TMTC2: variants seen among roughly 807,000 people sequenced by gnomAD.
TMTC2 encodes the protein transmembrane O-mannosyltransferase targeting cadherins 2.
Under a neutral mutation model 82.4 loss-of-function variants are expected in TMTC2, and 43 were observed. That is an observed-to-expected ratio of 0.52 (90% CI 0.41 to 0.67). The LOEUF (loss-of-function observed/expected upper bound fraction) is 0.67, where lower values mean the gene tolerates loss of function less well. Ranked by LOEUF, TMTC2 falls within the 30% of genes least tolerant of loss-of-function variation. The pLI, the probability that TMTC2 is intolerant of heterozygous loss-of-function variation, is 0.00. For missense variants in TMTC2, 919 were observed against 1,012.4 expected (o/e 0.91, Z 1.25); for synonymous variants, 408 against 381.9 (o/e 1.07, Z -0.80).
intron 1 of TMTC2, among the ~76,000 whole-genome samples, chr12:82,766,845 CTA>C (rs374143414): frequency 1.8e-3 from 273 of 152,258 alleles, no homozygotes; most frequent in African/African-American, 6.3e-3. Context: ...AGACAACAGA[CTA>C]TAGTGCGGTG....
At chr12:82,994,548 C>A (rs1009138698) in intron 8 of TMTC2, among the ~76,000 whole-genome samples, 4 of 151,482 alleles carry the variant, frequency 2.6e-5, no homozygotes, top group African/African-American at 9.7e-5. Flanking sequence ...ATCCCTAGTA[C>A]TCTGATATTC....
At chr12:82,866,254 A>AAAC (rs1555192480) in intron 2 of TMTC2, among the ~76,000 whole-genome samples, 1 of 142,654 alleles carries the variant, frequency 7.0e-6, no homozygotes, top group African/African-American at 3.1e-5. Flanking sequence ...CAAAAAAAAA[A>AAAC]AAAAAAAAAC....
intron 1 of TMTC2, among the ~76,000 whole-genome samples, chr12:82,702,294 C>T (rs755065506): frequency 6.6e-6 from 1 of 152,186 alleles, no homozygotes; most frequent in East Asian, 1.9e-4. Context: ...AATGTTTACT[C>T]TGTTCCTACT....
intron 1 of TMTC2, among the ~76,000 whole-genome samples, chr12:82,813,079 C>A (rs1392195347): frequency 6.6e-6 from 1 of 151,900 alleles, no homozygotes; most frequent in Non-Finnish European, 1.5e-5. Context: ...TATTCCCCAA[C>A]CTCACTGTAA....
At chr12:82,892,688 T>G (rs1330944261) in intron 2 of TMTC2, among the ~76,000 whole-genome samples, 2 of 152,234 alleles carry the variant, frequency 1.3e-5, no homozygotes, top group East Asian at 3.9e-4. Flanking sequence ...TTTGTAATGC[T>G]TTCTCTCTTC....
chr12:83,052,580 T>G (rs1453170898), intron 10 of TMTC2, among the ~76,000 whole-genome samples: 1 of 152,152 alleles, frequency 6.6e-6, no homozygotes, highest in Non-Finnish European at 1.5e-5. Context: ...ATAAACAATT[T>G]GCAAGAATGG....
chr12:82,921,506 C>T (rs143980385), intron 3 of TMTC2, among the ~76,000 whole-genome samples: 1 of 152,084 alleles, frequency 6.6e-6, no homozygotes, highest in African/African-American at 2.4e-5. Flanking sequence ...ATCTCCTTCT[C>T]CCCTTCCCAT....
chr12:82,698,199 A>T (rs1038274827), intron 1 of TMTC2, among the ~76,000 whole-genome samples: 1 of 152,206 alleles, frequency 6.6e-6, no homozygotes, highest in Non-Finnish European at 1.5e-5. Context: ...AAAATGAGTT[A>T]TACTTTTTCC....
chr12:82,838,303 GAC>G (rs1357550179), intron 1 of TMTC2, among the ~76,000 whole-genome samples: 1 of 152,160 alleles, frequency 6.6e-6, no homozygotes. Context: ...CCCTCAAAAT[GAC>G]TAATGCACCA....
intron 1 of TMTC2, among the ~76,000 whole-genome samples, chr12:82,719,238 C>T (rs563111327): frequency 1.7e-4 from 26 of 151,370 alleles, no homozygotes; most frequent in Non-Finnish European, 2.8e-4. Flanking sequence ...GGATTGCAGG[C>T]GCACACCACC....
Position 83,050,959 on chromosome 12 carries a change from A to T in TMTC2, c.2208A>T (p.Lys736Asn). The T allele has an allele frequency of 6.2e-7, 1 of 1,613,564 alleles. No homozygotes were observed. The highest frequency in any genetic ancestry group is 8.5e-7 in the Non-Finnish European group (1 of 1,179,654). ...TAGAAGCAGCTGAGATGGCAAAAAA[A>T]GCAGCTGAACTAGACAGCACAGAGT... ...RLIEAAEMAK[K>N]AAELDSTEFD... is the part of the protein sequence containing the mutation. Residue 736 changes from lysine to asparagine, a missense_variant, in exon 10 of 12, where the codon AAA becomes AAT. Coordinates refer to ENST00000321196, the MANE Select transcript of TMTC2 (RefSeq NM_152588.3).
intron 11 of TMTC2, among the ~76,000 whole-genome samples, chr12:83,082,895 G>T (rs1883522225): frequency 6.6e-6 from 1 of 152,162 alleles, no homozygotes; most frequent in Non-Finnish European, 1.5e-5. Flanking sequence ...ACTTCCAGTG[G>T]AATTATGTCA....
chr12:82,888,417 G>A lies in TMTC2; in HGVS notation c.655-7401G>A, dbSNP rs79078392. On this transcript the variant is annotated intron_variant, in intron 2 of 11. Coordinates refer to ENST00000321196, the MANE Select transcript of TMTC2 (RefSeq NM_152588.3). ...TTTCTGTATGTGGTGACAACAAACT[G>A]CTTGAAAATGGTGACTTGGAGTTGT... Among the ~76,000 whole-genome samples the A allele has an allele frequency of 4.3e-3, 648 of 152,306 alleles. 3 individuals are homozygous for A. The highest frequency in any genetic ancestry group is 0.015 in the African/African-American group (617 of 41,574).
At chr12:83,052,910 C>T (rs1286506064) in intron 10 of TMTC2, among the ~76,000 whole-genome samples, 1 of 150,868 alleles carries the variant, frequency 6.6e-6, no homozygotes, top group African/African-American at 2.4e-5. Context: ...CGGTGCCCTC[C>T]TATATTGACT....
intron 11 of TMTC2, among the ~76,000 whole-genome samples, chr12:83,088,241 G>T (rs551395165): frequency 2.0e-5 from 3 of 152,288 alleles, no homozygotes; most frequent in African/African-American, 7.2e-5. Flanking sequence ...TTAGGGGCTT[G>T]TTCTTGATTA....
intron 8 of TMTC2, among the ~76,000 whole-genome samples, chr12:83,014,242 A>G (rs1023088350): frequency 6.6e-6 from 1 of 152,128 alleles, no homozygotes; most frequent in Non-Finnish European, 1.5e-5. Flanking sequence ...CTCTCACCGT[A>G]ACCTCTGCCT....
intron 11 of TMTC2, among the ~76,000 whole-genome samples, chr12:83,109,822 T>C (rs1214313213): frequency 2.0e-5 from 3 of 152,206 alleles, no homozygotes; most frequent in African/African-American, 7.2e-5. Context: ...GCCTATTCCA[T>C]GCCTGCATCC....
At chr12:82,863,934 G>A (rs74106149) in intron 2 of TMTC2, among the ~76,000 whole-genome samples, 4,684 of 152,214 alleles carry the variant, frequency 0.031, 227 homozygotes, top group African/African-American at 0.11. Context: ...GAGAATGGTG[G>A]GGGAGTTGAG....
chr12:82,712,662 C>T (rs1482324465), intron 1 of TMTC2, among the ~76,000 whole-genome samples: 1 of 152,092 alleles, frequency 6.6e-6, no homozygotes, highest in Non-Finnish European at 1.5e-5. Flanking sequence ...AGAACATTTG[C>T]AGGTTACTGA....
Sources: gnomAD v4.1 joint callset for allele counts (sites outside exome capture counted in the v4.1 genomes callset) on GRCh38, gnomAD v4.1.1 for gene constraint, MANE v1.5 for transcripts, NCBI Gene and HGNC (gene_info 2026-07-23, HGNC 2026-07-21) for gene names.